Variants in RLN2 observed in about 807,000 individuals in gnomAD.
RLN2 encodes the protein prorelaxin H2.
A neutral mutation model predicts 7.3 loss-of-function variants in RLN2; 10 were observed. That is an observed-to-expected ratio of 1.36 (90% CI 0.84 to 2.31). The LOEUF is 2.31. Among genes scored for constraint, RLN2 ranks in the 30% most tolerant of loss-of-function variants. RLN2 has a pLI of 0.00. For synonymous variants in RLN2, 103 were observed against 82.3 expected (o/e 1.25, Z -1.36); for missense variants, 298 against 217.6 (o/e 1.37, Z -2.32).
the RLN2 span, among the ~76,000 whole-genome samples, chr9:5,328,543 T>C: frequency 6.6e-6 from 1 of 151,800 alleles, no homozygotes; most frequent in African/African-American, 2.4e-5. Context: ...AACATTCAAA[T>C]TCAGGAAATA....
chr9:5,305,307 G>A (rs1816222203), upstream of RLN2, among the ~76,000 whole-genome samples: 1 of 148,242 alleles, frequency 6.7e-6, no homozygotes, highest in African/African-American at 2.5e-5. Context: ...CTAGTTATCT[G>A]AACATTTTAA....
chr9:5,300,184 G>T lies in RLN2; in HGVS notation c.472C>A (p.Arg158=). The T allele has an allele frequency of 6.2e-7, 1 of 1,612,558 alleles. No homozygotes were observed. The highest frequency in any genetic ancestry group is 8.5e-7 in the Non-Finnish European group (1 of 1,179,496). The change falls in exon 2 of 2, where the codon CGA becomes AGA. Residue 158 remains arginine, a synonymous_variant. Coordinates refer to ENST00000381627, the MANE Select transcript of RLN2 (RefSeq NM_134441.3). ...GCACTGTAGAGTTGTCTCTTTTTTC[G>T]AGAATGAGTATCCAAGCCTAAGTAT... ...LKYLGLDTHS[R]KKRQLYSALA...
chr9:5,322,076 G>C, the RLN2 span, among the ~76,000 whole-genome samples: 1 of 152,088 alleles, frequency 6.6e-6, no homozygotes, highest in African/African-American at 2.4e-5. Context: ...GATGGGTACA[G>C]CAAAGCCTGA....
the RLN2 span, among the ~76,000 whole-genome samples, chr9:5,315,778 A>T: frequency 6.6e-6 from 1 of 152,126 alleles, no homozygotes; most frequent in South Asian, 2.1e-4. Flanking sequence ...GCAGGTCAGG[A>T]CAGATGAGAT....
the RLN2 span, among the ~76,000 whole-genome samples, chr9:5,324,051 T>A: frequency 2.6e-5 from 4 of 151,598 alleles, no homozygotes; most frequent in African/African-American, 9.7e-5. Flanking sequence ...TGTCTCAAAA[T>A]AAATAAATAA....
At chr9:5,335,572 T>C in the RLN2 span, 1 of 1,609,366 alleles carries the variant, frequency 6.2e-7, no homozygotes, top group Non-Finnish European at 8.5e-7. Context: ...TTTCTGTATC[T>C]TTGTTGATGA....
At chr9:5,310,012 G>T in the RLN2 span, among the ~76,000 whole-genome samples, 2 of 151,940 alleles carry the variant, frequency 1.3e-5, no homozygotes, top group Non-Finnish European at 2.9e-5. Flanking sequence ...CCAATCTTAA[G>T]GTGAGTCACA....
At chr9:5,325,344 GA>G in the RLN2 span, among the ~76,000 whole-genome samples, 8 of 150,358 alleles carry the variant, frequency 5.3e-5, no homozygotes, top group East Asian at 1.9e-4. Context: ...GGAAAGGCTA[GA>G]AAAAAAAACT....
intron 1 of RLN2, among the ~76,000 whole-genome samples, chr9:5,301,127 G>A (rs1329981568): frequency 2.0e-5 from 3 of 152,236 alleles, no homozygotes; most frequent in African/African-American, 7.2e-5. Flanking sequence ...TTTAAGAAGA[G>A]ATTTGTATCT....
chr9:5,305,394 C>G (rs1176900700), upstream of RLN2, among the ~76,000 whole-genome samples: 4 of 142,136 alleles, frequency 2.8e-5, no homozygotes, highest in African/African-American at 5.8e-5. Context: ...CACACACACA[C>G]ACACACACAG....
At chr9:5,322,339 G>A in the RLN2 span, among the ~76,000 whole-genome samples, 6 of 151,988 alleles carry the variant, frequency 3.9e-5, no homozygotes, top group Admixed American at 6.6e-5. Context: ...TCATAGGACT[G>A]CAGCATGCCA....
At chr9:5,306,109 G>GTTTTTTT (rs199949652), upstream of RLN2, among the ~76,000 whole-genome samples, 17 of 131,508 alleles carry the variant, frequency 1.3e-4, no homozygotes, top group South Asian at 4.8e-4. Context: ...TTTGTTTTTT[G>GTTTTTTT]TTTTTTTTTT....
the RLN2 span, among the ~76,000 whole-genome samples, chr9:5,327,796 T>C: frequency 1.3e-5 from 2 of 151,860 alleles, no homozygotes; most frequent in Non-Finnish European, 2.9e-5. Context: ...TCTGGCAAAC[T>C]CCAACACACC....
At chr9:5,305,359 CCACACACA>C (rs34733616), upstream of RLN2, among the ~76,000 whole-genome samples, 3,587 of 121,806 alleles carry the variant, frequency 0.029, 97 homozygotes, top group African/African-American at 0.066. Flanking sequence ...GGAGAACATA[CCACACACA>C]CACACACACA....
the RLN2 span, among the ~76,000 whole-genome samples, chr9:5,318,238 A>G: frequency 6.6e-6 from 1 of 151,914 alleles, no homozygotes; most frequent in South Asian, 2.1e-4. Context: ...TGCCACTTTT[A>G]TTTTCTCCCT....
chr9:5,319,658 G>C, the RLN2 span, among the ~76,000 whole-genome samples: 1 of 151,940 alleles, frequency 6.6e-6, no homozygotes, highest in Non-Finnish European at 1.5e-5. Context: ...TCAAAGGCAT[G>C]ATGTTAGTTT....
At chr9:5,318,277 C>T in the RLN2 span, among the ~76,000 whole-genome samples, 1 of 151,980 alleles carries the variant, frequency 6.6e-6, no homozygotes, top group African/African-American at 2.4e-5. Context: ...TAAACAACAT[C>T]CCTTTTTTGT....
chr9:5,304,642 G>T lies in RLN2; in HGVS notation c.-62C>A. 6.5e-7 allele frequency: 1 copy of T among 1,539,486 alleles called. No individual in the cohort carries two copies. Among genetic ancestry groups the T allele is most frequent in the Non-Finnish European group, 9.0e-7 (1 of 1,114,538 alleles). ...AGCCTTTCAGGACTGCAGCTGCTGTGGCCTACACACCTGGGCCTGTGTGCC... is the reference window on the plus strand; with the variant it reads ...AGCCTTTCAGGACTGCAGCTGCTGTTGCCTACACACCTGGGCCTGTGTGCC... On this transcript the variant is annotated 5_prime_UTR_variant, in exon 1 of 2. Transcript: ENST00000381627.
chr9:5,311,955 AAAAC>A, the RLN2 span, among the ~76,000 whole-genome samples: 222 of 152,144 alleles, frequency 1.5e-3, 2 homozygotes, highest in African/African-American at 4.5e-3. Flanking sequence ...TTACAAGAAA[AAAAC>A]AAACAACCCC....
Sources: gnomAD v4.1 joint callset for allele counts (sites outside exome capture counted in the v4.1 genomes callset) on GRCh38, gnomAD v4.1.1 for gene constraint, MANE v1.5 for transcripts, NCBI Gene and HGNC (gene_info 2026-07-23, HGNC 2026-07-21) for gene names.